The following UBE2E2 variants were observed in gnomAD, a reference collection of about 807,000 sequenced individuals.
UBE2E2 encodes ubiquitin conjugating enzyme E2 E2, also known as ubiquitin-conjugating enzyme E2 E2.
In UBE2E2, 6 loss-of-function variants were observed where a neutral mutation model predicts 24.7. The ratio of observed to expected loss-of-function variants is 0.24; its 90% confidence interval spans 0.13 to 0.48. The LOEUF is 0.48. Among genes scored for constraint, UBE2E2 ranks in the 20% least tolerant of loss-of-function variants. The probability of loss-of-function intolerance (pLI) is 0.99; values close to 1 mark genes in which losing one functional copy is unlikely to be tolerated. For missense variants in UBE2E2, 169 were observed against 245.0 expected (o/e 0.69, Z 2.07); for synonymous variants, 104 against 83.6 (o/e 1.24, Z -1.33).
At chr3:23,441,786 A>G (rs1276429339) in intron 3 of UBE2E2, among the ~76,000 whole-genome samples, 1 of 152,144 alleles carries the variant, frequency 6.6e-6, no homozygotes, top group Non-Finnish European at 1.5e-5. Context: ...ACTTTAGGTG[A>G]TATTATGAGC....
At chr3:23,255,283 A>T (rs1453450423) in intron 3 of UBE2E2, among the ~76,000 whole-genome samples, 1 of 149,064 alleles carries the variant, frequency 6.7e-6, no homozygotes, top group Non-Finnish European at 1.5e-5. Flanking sequence ...TGGTAACGAT[A>T]GGGTTTTGCC....
At chr3:23,243,748 CT>C (rs72104834) in intron 3 of UBE2E2, among the ~76,000 whole-genome samples, 83,583 of 144,282 alleles carry the variant, frequency 0.58, 23,768 homozygotes, top group South Asian at 0.66. Flanking sequence ...AATAGTATTT[CT>C]TTTTTTTTTT....
chr3:23,246,162 C>T (rs1272624199), intron 3 of UBE2E2, among the ~76,000 whole-genome samples: 1 of 151,956 alleles, frequency 6.6e-6, no homozygotes, highest in Non-Finnish European at 1.5e-5. Context: ...CTCAAGTGAT[C>T]CTTCCACCTC....
chr3:23,255,174 C>T (rs556023856), intron 3 of UBE2E2, among the ~76,000 whole-genome samples: 1 of 149,180 alleles, frequency 6.7e-6, no homozygotes, highest in Admixed American at 6.7e-5. Flanking sequence ...ATAATCTCCT[C>T]CCATGCTCAA....
intron 3 of UBE2E2, among the ~76,000 whole-genome samples, chr3:23,268,356 A>C (rs1257727704): frequency 1.3e-5 from 2 of 151,774 alleles, no homozygotes; most frequent in Non-Finnish European, 2.9e-5. Context: ...GCTTCAACAA[A>C]GTCTCAGGAT....
At chr3:23,374,291 G>C (rs6550761) in intron 3 of UBE2E2, among the ~76,000 whole-genome samples, 43,969 of 152,010 alleles carry the variant, frequency 0.29, 6,583 homozygotes, top group East Asian at 0.36. Flanking sequence ...TAAAAACAGA[G>C]ATATTGGTTT....
At chr3:23,470,167 G>A (rs1045615920) in intron 3 of UBE2E2, among the ~76,000 whole-genome samples, 1 of 152,142 alleles carries the variant, frequency 6.6e-6, no homozygotes, top group Non-Finnish European at 1.5e-5. Context: ...CCTAAAATTG[G>A]GTCTTGTAGA....
intron 4 of UBE2E2, among the ~76,000 whole-genome samples, chr3:23,505,082 T>G (rs1291456555): frequency 1.3e-5 from 2 of 149,998 alleles, no homozygotes; most frequent in African/African-American, 2.5e-5. Flanking sequence ...ATTTTTGTTT[T>G]TTTTTTTGTT....
intron 4 of UBE2E2, among the ~76,000 whole-genome samples, chr3:23,513,982 T>C (rs1057217778): frequency 1.3e-5 from 2 of 152,234 alleles, no homozygotes; most frequent in Non-Finnish European, 2.9e-5. Flanking sequence ...CAGTGATTTG[T>C]CACTGCCCTG....
intron 3 of UBE2E2, among the ~76,000 whole-genome samples, chr3:23,246,381 T>G (rs1203797397): frequency 6.8e-6 from 1 of 148,112 alleles, no homozygotes; most frequent in Non-Finnish European, 1.5e-5. Context: ...CCACCATGCC[T>G]GGCTAATTTT....
chr3:23,454,858 A>G (rs969062874), intron 3 of UBE2E2, among the ~76,000 whole-genome samples: 13 of 152,180 alleles, frequency 8.5e-5, no homozygotes, highest in Non-Finnish European at 1.6e-4. Context: ...GCTAAACTCA[A>G]AATTTGAACT....
At chr3:23,206,196 A>G (rs1696141831) in intron 1 of UBE2E2, among the ~76,000 whole-genome samples, 1 of 152,138 alleles carries the variant, frequency 6.6e-6, no homozygotes, top group Non-Finnish European at 1.5e-5. Flanking sequence ...TTCCCTGAGG[A>G]TTGTTCTCTT....
chr3:23,469,330 A>G (rs1431983209), intron 3 of UBE2E2, among the ~76,000 whole-genome samples: 2 of 152,238 alleles, frequency 1.3e-5, no homozygotes, highest in African/African-American at 4.8e-5. Context: ...CAGAGAGAAG[A>G]TAATAGATAA....
chr3:23,435,998 G>A (rs980278573), intron 3 of UBE2E2, among the ~76,000 whole-genome samples: 4 of 152,016 alleles, frequency 2.6e-5, no homozygotes, highest in Non-Finnish European at 5.9e-5. Context: ...TAGATACCTC[G>A]CACGCACAGT....
At chr3:23,327,290 A>G (rs955081598) in intron 3 of UBE2E2, among the ~76,000 whole-genome samples, 9 of 152,174 alleles carry the variant, frequency 5.9e-5, no homozygotes, top group African/African-American at 2.2e-4. Flanking sequence ...AGTCCCACCA[A>G]CAGTGTAAAA....
chr3:23,523,923 A>G (rs1166875311), intron 4 of UBE2E2, among the ~76,000 whole-genome samples: 2 of 149,614 alleles, frequency 1.3e-5, no homozygotes, highest in African/African-American at 2.5e-5. Context: ...GCTTTGTTAC[A>G]TGATTTACTG....
At chr3:23,215,782 G>A (rs892494048) in intron 2 of UBE2E2, among the ~76,000 whole-genome samples, 4 of 152,162 alleles carry the variant, frequency 2.6e-5, no homozygotes, top group African/African-American at 9.7e-5. Context: ...CTGAATGAGT[G>A]AGAGGTGAAA....
chr3:23,459,578 C>T (rs1241614062), intron 3 of UBE2E2, among the ~76,000 whole-genome samples: 1 of 152,142 alleles, frequency 6.6e-6, no homozygotes, highest in African/African-American at 2.4e-5. Flanking sequence ...GAAACAAAGG[C>T]TGTTGAACAG....
At chr3:23,524,328 G>A (rs1694941575) in intron 4 of UBE2E2, among the ~76,000 whole-genome samples, 1 of 152,020 alleles carries the variant, frequency 6.6e-6, no homozygotes, top group African/African-American at 2.4e-5. Context: ...TGCATTCTCA[G>A]TTAATCTTAT....
Sources: allele counts gnomAD v4.1 joint callset (sites outside exome capture counted in the v4.1 genomes callset), GRCh38; gene constraint gnomAD v4.1.1; transcripts MANE v1.5; gene names NCBI Gene and HGNC (gene_info 2026-07-23, HGNC 2026-07-21).